The following SLC9A6 variants were observed in gnomAD, a reference collection of about 807,000 sequenced individuals.
SLC9A6 encodes solute carrier family 9 member A6, also known as sodium/hydrogen exchanger 6.
A neutral mutation model predicts 45.3 loss-of-function variants in SLC9A6; 6 were observed. The ratio of observed to expected loss-of-function variants is 0.13; its 90% CI spans 0.07 to 0.26. The LOEUF is 0.26. SLC9A6 is among the 10% of genes least tolerant of loss of function. The pLI is 1.00. For synonymous variants in SLC9A6, 191 were observed against 187.7 expected (o/e 1.02, Z -0.14); for missense variants, 278 against 503.7 (o/e 0.55, Z 4.29).
At chrX:135,990,593 C>T (rs988030291) in intron 2 of SLC9A6, among the ~76,000 whole-genome samples, 1 of 110,810 alleles carries the variant, frequency 9.0e-6, no homozygotes, top group Non-Finnish European at 1.9e-5. Flanking sequence ...GTTGTTTTAT[C>T]GACCAAGGTA....
Position 136,016,539 on chromosome X carries a change from A to T in SLC9A6, c.1081-106A>T, listed in dbSNP as rs1181833623. 20 of 506,610 alleles carry T rather than the reference A, an allele frequency of 3.9e-5. No homozygotes were observed. The Admixed American group carries it at 5.8e-4, about 15-fold the overall frequency. The allele number at this position is 506,610 out of a possible 1,213,427, so 41.8% of individuals were successfully genotyped here. A position where few individuals can be genotyped will look rare whatever the true frequency, so the allele number is the denominator to read the frequency against. On this transcript the variant is annotated intron_variant, in intron 10 of 17. Transcript: ENST00000630721. Reference sequence around the variant, plus strand: ...TGAACCACATATTTTGTGTGTATGCATGAAGTTTATATATATGAGTGTCTG... The same window carrying T: ...TGAACCACATATTTTGTGTGTATGCTTGAAGTTTATATATATGAGTGTCTG...
rs2071028362 is a variant in SLC9A6, at chrX:136,016,830, G to A, written c.1194+72G>A. On this transcript the variant is annotated intron_variant, in intron 11 of 17. Coordinates refer to ENST00000630721, the MANE Select transcript of SLC9A6 (RefSeq NM_001379110.1). ...TTTTCATGTGGGTTTTGAGTATGTG[G>A]TTCATAAGAATACATTTAAATATAT... 3.4e-5 allele frequency: 20 copies of A among 581,594 alleles called. 1 individual carries two copies. In the South Asian group the frequency reaches 5.3e-4, roughly 16 times the overall value. 47.9% of individuals were successfully genotyped at this position (581,594 alleles called of 1,213,427 possible).
chrX:136,031,302 C>T (rs1188359629), intron 15 of SLC9A6, among the ~76,000 whole-genome samples: 1 of 112,566 alleles, frequency 8.9e-6, no homozygotes, highest in African/African-American at 3.2e-5. Flanking sequence ...CCTGTGTAAC[C>T]ACAGAGGAGA....
chrX:136,016,505 G>T, intron 10 of SLC9A6, 140 bp from the exon 11 acceptor site: 1 of 421,755 alleles, frequency 2.4e-6, no homozygotes, highest in Non-Finnish European at 4.1e-6. Flanking sequence ...CTCCACATTT[G>T]CTCCCTTCTG....
intron 11 of SLC9A6, among the ~76,000 whole-genome samples, chrX:136,018,185 G>T (rs1238203016): frequency 8.9e-6 from 1 of 112,143 alleles, no homozygotes; most frequent in African/African-American, 3.2e-5. Flanking sequence ...GATGGTTAGG[G>T]ACTATCTTGG....
chrX:136,042,216 C>T (rs1556622752), intron 17 of SLC9A6, among the ~76,000 whole-genome samples: 1 of 108,659 alleles, frequency 9.2e-6, no homozygotes, highest in African/African-American at 3.4e-5. Context: ...ACTCTGTCAC[C>T]CAGGCTGGAG....
At chrX:136,013,628 T>C (rs1190649653) in intron 10 of SLC9A6, among the ~76,000 whole-genome samples, 191 bp downstream of exon 10, 1 of 111,726 alleles carries the variant, frequency 9.0e-6, no homozygotes, top group Non-Finnish European at 1.9e-5. Context: ...AGGGTGGAAA[T>C]AGATCAGCAG....
At chrX:136,042,342 T>C (rs1280038217) in intron 17 of SLC9A6, among the ~76,000 whole-genome samples, 1 of 110,561 alleles carries the variant, frequency 9.0e-6, no homozygotes, top group Non-Finnish European at 1.9e-5. Context: ...ACCCAGCTCA[T>C]TTTTCTGTAT....
At chrX:136,020,196 C>T (rs2071097470) in intron 11 of SLC9A6, among the ~76,000 whole-genome samples, 1 of 111,246 alleles carries the variant, frequency 9.0e-6, no homozygotes, top group Non-Finnish European at 1.9e-5. Flanking sequence ...TGTTGTACTG[C>T]GTGGAAGGAA....
chrX:136,027,247 TG>T (rs2071244087), intron 13 of SLC9A6, among the ~76,000 whole-genome samples: 2 of 111,211 alleles, frequency 1.8e-5, no homozygotes, highest in African/African-American at 6.6e-5. Flanking sequence ...TGACTGGGGA[TG>T]GGGGTGTTTT....
intron 2 of SLC9A6, among the ~76,000 whole-genome samples, chrX:135,990,135 G>A (rs782319657): frequency 5.8e-4 from 64 of 110,571 alleles, no homozygotes; most frequent in Non-Finnish European, 1.1e-3. Context: ...ACAGGTGACC[G>A]CCACCACGCC....
At chrX:135,998,601 T>C (rs782539221) in intron 5 of SLC9A6, 43 bp downstream of exon 5, 3 of 928,144 alleles carry the variant, frequency 3.2e-6, no homozygotes, top group Non-Finnish European at 4.6e-6. Flanking sequence ...CTTCAAATTA[T>C]AATTTTAAAA....
chrX:136,011,826 C>G (rs782798211), intron 8 of SLC9A6, among the ~76,000 whole-genome samples: 1 of 111,216 alleles, frequency 9.0e-6, no homozygotes, highest in Non-Finnish European at 1.9e-5. Flanking sequence ...TGCAGTGGCT[C>G]GTGCCTGTAA....
rs1489360369 is a variant in SLC9A6 at position 136,044,352 on chromosome X, C to T, written c.1768-100C>T. 6.0e-5 allele frequency: 43 copies of T among 717,139 alleles called. 1 individual carries two copies. The South Asian group carries it at 9.3e-4, about 16-fold the overall frequency. 59.1% of individuals were successfully genotyped at this position (717,139 alleles called of 1,213,427 possible). A position where few individuals can be genotyped will look rare whatever the true frequency, so the allele number is the denominator to read the frequency against. ...ACTTTATCCTGAGGGCAGTGGGCTACCACTTAAGGGTTTTAATGGGGGATC... is the reference window on the plus strand; with the variant it reads ...ACTTTATCCTGAGGGCAGTGGGCTATCACTTAAGGGTTTTAATGGGGGATC... On this transcript the variant is annotated intron_variant, in intron 17 of 17. Transcript: ENST00000630721.
At chrX:135,985,414 C>A (rs2089314535), upstream of SLC9A6, 8 of 635,026 alleles carry the variant, frequency 1.3e-5, no homozygotes, top group Non-Finnish European at 1.7e-5. Flanking sequence ...CGGCTACCCC[C>A]GGGCCCCGCC....
chrX:136,000,325 T>C (rs2089564057), intron 6 of SLC9A6, among the ~76,000 whole-genome samples: 1 of 108,803 alleles, frequency 9.2e-6, no homozygotes, highest in African/African-American at 3.4e-5. Flanking sequence ...AGAATTTGTG[T>C]AGTTTAGCAT....
intron 16 of SLC9A6, among the ~76,000 whole-genome samples, chrX:136,034,448 A>G (rs180679771): frequency 1.8e-5 from 2 of 111,798 alleles, no homozygotes; most frequent in South Asian, 3.8e-4. Context: ...ACTGCTTTAA[A>G]TCATGCCTTT....
chrX:136,032,314 T>C (rs1434068169), intron 15 of SLC9A6, among the ~76,000 whole-genome samples: 2 of 112,171 alleles, frequency 1.8e-5, no homozygotes, highest in Non-Finnish European at 3.8e-5. Flanking sequence ...TCAAGTGATA[T>C]ACCCGCCTTG....
intron 2 of SLC9A6, among the ~76,000 whole-genome samples, chrX:135,986,928 TGA>T (rs1556615049): frequency 1.8e-5 from 2 of 111,733 alleles, no homozygotes; most frequent in Non-Finnish European, 3.8e-5. Flanking sequence ...GTTAAACCGA[TGA>T]GCTTGTTGAG....
Sources: gnomAD v4.1 joint callset for allele counts (sites outside exome capture counted in the v4.1 genomes callset) on GRCh38, gnomAD v4.1.1 for gene constraint, MANE v1.5 for transcripts, NCBI Gene and HGNC (gene_info 2026-07-23, HGNC 2026-07-21) for gene names.